The following TNRC18 variants were observed in gnomAD, a reference collection of about 807,000 sequenced individuals.
The protein encoded by TNRC18 is trinucleotide repeat-containing gene 18 protein.
In TNRC18, 69 loss-of-function variants were observed where a neutral mutation model predicts 226.7. The ratio of observed to expected loss-of-function variants is 0.30; its 90% CI spans 0.25 to 0.37. TNRC18 has a LOEUF of 0.37. Ranked by LOEUF, TNRC18 falls within the 10% of genes least tolerant of loss-of-function variation. The pLI, the probability that TNRC18 is intolerant of heterozygous loss-of-function variation, is 1.00. For missense variants in TNRC18, 4,754 were observed against 4,256.6 expected, an observed-to-expected ratio of 1.12 and a Z score of -3.25; for synonymous variants, 2,449 against 1,927.6, an observed-to-expected ratio of 1.27 and a Z score of -7.09.
rs1792571593 is a variant in TNRC18 at position 5,357,507 on chromosome 7, G to A, written c.4834-231C>T. Among the ~76,000 whole-genome samples the A allele has an allele frequency of 2.6e-5, 4 of 152,210 alleles. No homozygotes were observed. In the South Asian group the frequency reaches 8.3e-4, roughly 32 times the overall value. ...GCTCACTGCAACCTCCACCTCCCAG[G>A]TCCAAGCATTTCTCCTGCCTCAGGC... On this transcript the variant is annotated intron_variant, in intron 15 of 29. Transcript: ENST00000430969.
rs778246311 is a variant in TNRC18 at position 5,332,817 on chromosome 7, C to T, written c.5952G>A (p.Ala1984=). The change falls in exon 19 of 30, where the codon GCG becomes GCA. Residue 1984 remains alanine, a synonymous_variant. Transcript: ENST00000430969. ...GGTCGTCGTCGCTGGCCTCGGGCCCCGCCTCGAAGCCAGGCTCCTTGGGGC... is the reference window on the plus strand; with the variant it reads ...GGTCGTCGTCGCTGGCCTCGGGCCCTGCCTCGAAGCCAGGCTCCTTGGGGC... ...LRGPKEPGFE[A]GPEASDDDLW... 13 of 1,508,728 alleles carry T rather than the reference C, an allele frequency of 8.6e-6. No individual in the cohort carries two copies. Among genetic ancestry groups the T allele is most frequent in the Non-Finnish European group, 1.1e-5 (13 of 1,137,342 alleles). 93.5% of individuals were successfully genotyped at this position (1,508,728 alleles called of 1,614,324 possible). A position where few individuals can be genotyped will look rare whatever the true frequency, so the allele number is the denominator to read the frequency against.
chr7:5,334,422 G>A (rs1273458289), intron 18 of TNRC18, among the ~76,000 whole-genome samples: 1 of 151,026 alleles, frequency 6.6e-6, no homozygotes, highest in African/African-American at 2.4e-5. Context: ...TCAGCCTCCT[G>A]AGTAGCTGGG....
At position 5,307,413 on chromosome 7, in the gene TNRC18, G is replaced by T. The variant is rs953448623; in HGVS notation, c.*693C>A. The T allele has an allele frequency of 1.5e-5, 5 of 324,864 alleles. No homozygotes were observed. Among genetic ancestry groups the T allele is most frequent in the Non-Finnish European group, 3.2e-5 (5 of 157,726 alleles). 20.1% of individuals were successfully genotyped at this position (324,864 alleles called of 1,614,324 possible). A position where few individuals can be genotyped will look rare whatever the true frequency, so the allele number is the denominator to read the frequency against. ...TCCTGGGTGGGGAGGGGCCAGGCGTGGCCGGGCGACAGTTTCAGCACCATT... is the reference window on the plus strand; with the variant it reads ...TCCTGGGTGGGGAGGGGCCAGGCGTTGCCGGGCGACAGTTTCAGCACCATT... On this transcript the variant is annotated 3_prime_UTR_variant, in exon 30 of 30. Transcript: ENST00000430969.
intron 10 of TNRC18, among the ~76,000 whole-genome samples, chr7:5,373,151 T>TC (rs1794317951): frequency 6.6e-6 from 1 of 151,976 alleles, no homozygotes; most frequent in African/African-American, 2.4e-5. Context: ...AGAGCAAAAC[T>TC]CCGTCTCAAA....
rs567767842 is a variant in TNRC18, at chr7:5,390,720, G to T, written c.344-92C>A. 2.6e-5 allele frequency: 37 copies of T among 1,400,530 alleles called. No homozygotes were observed. In the African/African-American group the frequency reaches 4.8e-4, roughly 18 times the overall value. The allele number at this position is 1,400,530 out of a possible 1,614,324, so 86.8% of individuals were successfully genotyped here. A position where few individuals can be genotyped will look rare whatever the true frequency, so the allele number is the denominator to read the frequency against. On this transcript the variant is annotated intron_variant, in intron 3 of 29. Transcript: ENST00000430969. ...CTCCTGGAAATAAACTATTTTGGCA[G>T]CCGACCGCTGGTACAGGGCGCCTTG...
At chr7:5,407,532 G>C (rs1450872728) in intron 2 of TNRC18, 1 of 152,210 alleles carries the variant, frequency 6.6e-6, no homozygotes, top group Non-Finnish European at 1.5e-5. Context: ...CCCCACCTGG[G>C]ATCACAGCAC....
At chr7:5,333,868 C>T (rs113526235) in intron 18 of TNRC18, among the ~76,000 whole-genome samples, 6 of 152,206 alleles carry the variant, frequency 3.9e-5, no homozygotes, top group Non-Finnish European at 5.9e-5. Flanking sequence ...GCCACACCTT[C>T]GCATTTCTGT....
intron 2 of TNRC18, among the ~76,000 whole-genome samples, chr7:5,412,041 G>T (rs114323998): frequency 0.013 from 2,049 of 151,922 alleles, 51 homozygotes; most frequent in African/African-American, 0.047. Flanking sequence ...TTAACAGTTA[G>T]CCAGGTGTGG....
At chr7:5,357,842 T>C (rs182297738) in intron 15 of TNRC18, among the ~76,000 whole-genome samples, 1 of 152,270 alleles carries the variant, frequency 6.6e-6, no homozygotes, top group Non-Finnish European at 1.5e-5. Context: ...CGCAAGGTGC[T>C]TCTGAAGATG....
chr7:5,395,114 C>G (rs1001327304), intron 2 of TNRC18, among the ~76,000 whole-genome samples: 2 of 152,088 alleles, frequency 1.3e-5, no homozygotes, highest in Non-Finnish European at 2.9e-5. Flanking sequence ...GCCCCGTGTG[C>G]CCATTTCACA....
chr7:5,386,574 CAAAAAA>C (rs113287458), intron 5 of TNRC18, among the ~76,000 whole-genome samples: 4 of 133,042 alleles, frequency 3.0e-5, no homozygotes, highest in African/African-American at 5.3e-5. Flanking sequence ...ACTCTGTCTC[CAAAAAA>C]AAAAAAAGAA....
Position 5,345,557 on chromosome 7 carries a change from C to T in TNRC18, c.5719+5G>A. 2 of 1,490,950 alleles carry T rather than the reference C, an allele frequency of 1.3e-6. No individual in the cohort carries two copies. Among genetic ancestry groups the T allele is most frequent in the South Asian group, 1.3e-5 (1 of 78,108 alleles). The allele number at this position is 1,490,950 out of a possible 1,614,324, so 92.4% of individuals were successfully genotyped here. A position where few individuals can be genotyped will look rare whatever the true frequency, so the allele number is the denominator to read the frequency against. Reference sequence around the variant, plus strand: ...CCCCACCGCAGCCCACCTGCTGCCACTTACCCAGCAGGCTCTGCCGCTCCT... The same window carrying T: ...CCCCACCGCAGCCCACCTGCTGCCATTTACCCAGCAGGCTCTGCCGCTCCT... On this transcript the variant is annotated splice_donor_5th_base_variant and intron_variant, in intron 18 of 29. Coordinates refer to ENST00000430969, the MANE Select transcript of TNRC18 (RefSeq NM_001080495.3).
In TNRC18 at chr7:5,388,073, G is replaced by A. The variant is rs750353354; in HGVS notation, c.1751C>T (p.Ala584Val). 5.8e-6 allele frequency: 9 copies of A among 1,556,282 alleles called. No homozygotes were observed. The highest frequency in any genetic ancestry group is 7.0e-6 in the Non-Finnish European group (8 of 1,150,586). ...SAAHGSGEAS[A>V]MQSLIKYSGS... ...ACTGTACTTTATAAGGCTCTGCATG[G>A]CCGAGGCCTCTCCAGACCCGTGGGC... Residue 584 changes from alanine to valine, a missense_variant, in exon 5 of 30, where the codon GCC becomes GTC. Ala to Val is a moderately conservative substitution (Grantham distance 64). Coordinates refer to ENST00000430969, the MANE Select transcript of TNRC18 (RefSeq NM_001080495.3).
At chr7:5,387,336 G>A (rs986719517) in intron 5 of TNRC18, among the ~76,000 whole-genome samples, 1 of 152,170 alleles carries the variant, frequency 6.6e-6, no homozygotes, top group Non-Finnish European at 1.5e-5. Flanking sequence ...TAGGTCCCTC[G>A]ATGACTTCAA....
chr7:5,379,724 G>C (rs903720967), intron 5 of TNRC18, among the ~76,000 whole-genome samples: 3 of 152,246 alleles, frequency 2.0e-5, no homozygotes, highest in African/African-American at 7.2e-5. Flanking sequence ...CCGGGAATGG[G>C]AGGAAGCTGA....
intron 19 of TNRC18, among the ~76,000 whole-genome samples, chr7:5,327,764 A>G: frequency 6.6e-6 from 1 of 152,194 alleles, no homozygotes; most frequent in East Asian, 1.9e-4. Context: ...CATAAAGTAA[A>G]TAAGAAAATA....
chr7:5,393,295 G>T (rs568922318), intron 3 of TNRC18, among the ~76,000 whole-genome samples: 2 of 152,356 alleles, frequency 1.3e-5, no homozygotes, highest in Non-Finnish European at 2.9e-5. Context: ...TGTGCAGGCT[G>T]GGCACCCTCG....
chr7:5,321,823 C>T (rs941243080), intron 21 of TNRC18, among the ~76,000 whole-genome samples: 25 of 151,804 alleles, frequency 1.6e-4, no homozygotes, highest in Non-Finnish European at 2.8e-4. Context: ...AGGTGCCTGC[C>T]ACCAGGCCCG....
At position 5,309,106 on chromosome 7, in the gene TNRC18, G is replaced by C; in HGVS notation, c.8625+26C>G. On this transcript the variant is annotated intron_variant, in intron 28 of 29. Coordinates refer to ENST00000430969, the MANE Select transcript of TNRC18 (RefSeq NM_001080495.3). This position sits in a 1 kb window ranked among gnomAD's most constrained non-coding sequence, Gnocchi z 5.7. ...TCTGCCCTACACCGCCTAGGACTGGGGGCCGCAGCCGGGCCGCAGGCTCAC... is the reference window on the plus strand; with the variant it reads ...TCTGCCCTACACCGCCTAGGACTGGCGGCCGCAGCCGGGCCGCAGGCTCAC... 1 of 1,576,510 alleles carries C rather than the reference G, an allele frequency of 6.3e-7. No homozygotes were observed. Among genetic ancestry groups the C allele is most frequent in the Non-Finnish European group, 8.6e-7 (1 of 1,161,118 alleles).
Sources: allele counts gnomAD v4.1 joint callset (sites outside exome capture counted in the v4.1 genomes callset), GRCh38; gene constraint gnomAD v4.1.1; non-coding constraint Gnocchi (gnomAD v3.1); transcripts MANE v1.5; gene names NCBI Gene and HGNC (gene_info 2026-07-23, HGNC 2026-07-21).